Variants in CHD1L observed in about 807,000 individuals in gnomAD.
CHD1L encodes ATP-dependent chromatin remodeler CHD1L.
A neutral mutation model predicts 115.9 loss-of-function variants in CHD1L; 118 were observed. The observed-to-expected ratio is 1.02, with a 90% confidence interval of 0.88 to 1.19. CHD1L has a LOEUF of 1.19. CHD1L is among the 50% of genes most tolerant of loss of function. The pLI is 0.00. For missense variants in CHD1L, 1,179 were observed against 1,065.3 expected, an observed-to-expected ratio of 1.11 and a Z score of -1.49; for synonymous variants, 411 against 387.1, an observed-to-expected ratio of 1.06 and a Z score of -0.72.
Position 147,266,062 on chromosome 1 carries a change from C to G in CHD1L, c.870C>G (p.Tyr290Ter), listed in dbSNP as rs1553948134. 2 of 1,611,706 alleles carry G rather than the reference C, an allele frequency of 1.2e-6. No individual in the cohort carries two copies. Among genetic ancestry groups the G allele is most frequent in the South Asian group, 2.2e-5 (2 of 90,338 alleles). ...TGTCAGCATTGCAGAAGAAATACTA[C>G]AAGGCCATTTTGATGAAAGACCTAG... Reference protein sequence around the residue: ...HGMSALQKKYYKAILMKDLDA... With the variant: ...HGMSALQKKY Residue 290 changes from tyrosine (Y) to a stop codon, truncating the protein, a stop_gained, in exon 8 of 23, where the codon TAC (tyrosine) becomes TAG (stop). Transcript: ENST00000369258. LOFTEE classifies it high-confidence loss of function.
chr1:147,194,862 A>T, the CHD1L span, among the ~76,000 whole-genome samples: 7 of 151,990 alleles, frequency 4.6e-5, no homozygotes, highest in Non-Finnish European at 1.0e-4. Context: ...TTGTAGAGTT[A>T]CTGCCGAGAG....
intron 12 of CHD1L, 132 bp from the exon 13 acceptor site, chr1:147,275,222 T>C: frequency 4.3e-6 from 3 of 700,328 alleles, no homozygotes; most frequent in South Asian, 3.3e-5. Context: ...GGGGTGTGGG[T>C]CCATTTGAAG....
At chr1:147,273,324 G>C (rs1394304126) in intron 12 of CHD1L, among the ~76,000 whole-genome samples, 1 of 152,196 alleles carries the variant, frequency 6.6e-6, no homozygotes, top group South Asian at 2.1e-4. Flanking sequence ...ATTAAAGACA[G>C]ATTGACATTT....
the CHD1L span, chr1:147,210,773 G>A: frequency 1.3e-5 from 2 of 152,016 alleles, no homozygotes; most frequent in Non-Finnish European, 2.9e-5. Flanking sequence ...AGTGCTTAAT[G>A]GCTGTCATAT....
intron 18 of CHD1L, among the ~76,000 whole-genome samples, chr1:147,287,194 G>T (rs1553966696): frequency 6.6e-6 from 1 of 152,184 alleles, no homozygotes; most frequent in East Asian, 1.9e-4. Context: ...GTGAATGAAT[G>T]ACTATAAATG....
chr1:147,294,358 CATCA>C (rs782036814), intron 21 of CHD1L, 47 bp from the exon 22 acceptor site: 12 of 1,313,252 alleles, frequency 9.1e-6, no homozygotes, highest in African/African-American at 2.9e-5. Context: ...ATTTTATACC[CATCA>C]ATCAATTTTT....
At chr1:147,186,928 A>G in the CHD1L span, 1 of 1,613,924 alleles carries the variant, frequency 6.2e-7, no homozygotes, top group East Asian at 2.2e-5. Context: ...TATAGCAAAG[A>G]AGGCAAGAGC....
intron 4 of CHD1L, among the ~76,000 whole-genome samples, 189 bp downstream of exon 4, chr1:147,256,116 C>T (rs587740026): frequency 5.3e-5 from 8 of 152,092 alleles, no homozygotes; most frequent in Admixed American, 3.3e-4. Context: ...CAGATTAGTT[C>T]GATCTTTTCC....
the CHD1L span, among the ~76,000 whole-genome samples, chr1:147,197,733 A>T: frequency 6.6e-6 from 1 of 152,106 alleles, no homozygotes; most frequent in Non-Finnish European, 1.5e-5. Context: ...TCCTTTAGAA[A>T]CTACTCAGCC....
upstream of CHD1L, among the ~76,000 whole-genome samples, chr1:147,241,474 C>G (rs907654904): frequency 1.3e-5 from 2 of 152,136 alleles, no homozygotes; most frequent in African/African-American, 4.8e-5. Flanking sequence ...TATAAAACGA[C>G]CCCACCCCTA....
the CHD1L span, chr1:147,215,500 T>C: frequency 7.0e-6 from 3 of 430,168 alleles, no homozygotes; most frequent in South Asian, 1.1e-4. Flanking sequence ...AATCAAATAA[T>C]GTGAAATGAA....
intron 22 of CHD1L, among the ~76,000 whole-genome samples, 199 bp downstream of exon 22, chr1:147,294,716 C>G (rs587766600): frequency 1.1e-4 from 17 of 152,280 alleles, no homozygotes; most frequent in African/African-American, 3.9e-4. Flanking sequence ...ATCAACACAT[C>G]CAAGCATTTC....
At chr1:147,183,574 T>A in the CHD1L span, among the ~76,000 whole-genome samples, 1 of 152,112 alleles carries the variant, frequency 6.6e-6, no homozygotes, top group Non-Finnish European at 1.5e-5. Flanking sequence ...AAAATGTAAT[T>A]GAGAAGAACA....
chr1:147,173,293 C>T, the CHD1L span: 1 of 153,068 alleles, frequency 6.5e-6, no homozygotes, highest in Non-Finnish European at 1.5e-5. Context: ...CAGCGATACT[C>T]CGTCCCCCTC....
the CHD1L span, among the ~76,000 whole-genome samples, chr1:147,198,478 C>A: frequency 6.6e-6 from 1 of 152,090 alleles, no homozygotes; most frequent in African/African-American, 2.4e-5. Context: ...TACAAGGGTA[C>A]CTGCTGTGTT....
chr1:147,272,247 GC>G lies in CHD1L; in HGVS notation c.1239del (p.Ile414PhefsTer6). On this transcript the variant is annotated frameshift_variant, in exon 12 of 23. Coordinates refer to ENST00000369258, the MANE Select transcript of CHD1L (RefSeq NM_004284.6). LOFTEE classifies it high-confidence loss of function. ...TGGCCATTAAGAACTTTGGACAGCA[GC>G]CCATTTTCGTTTTTCTCCTGAGTAC... ...HLAIKNFGQQPIFVFLLSTRA... is the reference protein window; with the variant it reads ...HLAIKNFGQQXIFVFLLSTRA... 1 of 1,614,142 alleles carries G rather than the reference GC, an allele frequency of 6.2e-7. No homozygotes were observed. Among genetic ancestry groups the G allele is most frequent in the Non-Finnish European group, 8.5e-7 (1 of 1,179,974 alleles).
At chr1:147,289,620 C>T (rs1350557605) in intron 19 of CHD1L, among the ~76,000 whole-genome samples, 1 of 152,130 alleles carries the variant, frequency 6.6e-6, no homozygotes, top group African/African-American at 2.4e-5. Context: ...CTGTGGATTC[C>T]AATTCCCAGG....
chr1:147,179,207 T>A, the CHD1L span: 1 of 1,614,036 alleles, frequency 6.2e-7, no homozygotes, highest in Non-Finnish European at 8.5e-7. Context: ...AAGAGATACC[T>A]GAAGTCTGAA....
the CHD1L span, among the ~76,000 whole-genome samples, chr1:147,193,009 T>C: frequency 6.6e-6 from 1 of 152,176 alleles, no homozygotes; most frequent in Admixed American, 6.5e-5. Context: ...GGTATCAGGA[T>C]GATGCTGGCC....
Sources: gnomAD v4.1 joint callset for allele counts (sites outside exome capture counted in the v4.1 genomes callset) on GRCh38, gnomAD v4.1.1 for gene constraint, MANE v1.5 for transcripts, NCBI Gene and HGNC (gene_info 2026-07-23, HGNC 2026-07-21) for gene names.